The following PTPRD variants were observed in gnomAD, a reference collection of about 807,000 sequenced individuals.
PTPRD encodes protein tyrosine phosphatase receptor type D, also known as receptor-type tyrosine-protein phosphatase delta.
A neutral mutation model predicts 214.5 loss-of-function variants in PTPRD; 34 were observed. That is an observed-to-expected ratio of 0.16 (90% CI 0.12 to 0.21). The LOEUF (loss-of-function observed/expected upper bound fraction) is 0.21, where lower values mean the gene tolerates loss of function less well. PTPRD is among the 10% of genes least tolerant of loss of function. The pLI is 1.00. For synonymous variants in PTPRD, 1,128 were observed against 845.7 expected (o/e 1.33, Z -5.79); for missense variants, 2,545 against 2,398.7 (o/e 1.06, Z -1.27).
At chr9:9,201,574 A>G (rs1434033423) in intron 9 of PTPRD, among the ~76,000 whole-genome samples, 4 of 152,152 alleles carry the variant, frequency 2.6e-5, no homozygotes, top group Non-Finnish European at 5.9e-5. Flanking sequence ...AAAAACATTG[A>G]TTTCCTATTA....
intron 9 of PTPRD, among the ~76,000 whole-genome samples, chr9:9,304,365 A>G (rs910142351): frequency 4.6e-5 from 7 of 152,156 alleles, no homozygotes; most frequent in Non-Finnish European, 1.0e-4. Flanking sequence ...AAAGACTTAA[A>G]GGAGGTGAAG....
At chr9:10,054,048 C>G (rs1022479418) in intron 3 of PTPRD, among the ~76,000 whole-genome samples, 1 of 152,052 alleles carries the variant, frequency 6.6e-6, no homozygotes, top group Non-Finnish European at 1.5e-5. Context: ...CATGAGCCAC[C>G]ACACCCTGCG....
chr9:10,024,851 A>T (rs942625823), intron 4 of PTPRD, among the ~76,000 whole-genome samples: 4 of 139,068 alleles, frequency 2.9e-5, no homozygotes, highest in Middle Eastern at 3.8e-3. Context: ...TCATTGTTCA[A>T]TTCCCACCTA....
chr9:8,797,321 T>C lies in PTPRD; in HGVS notation c.-103-63375A>G, dbSNP rs2096458897. The C allele has an allele frequency of 3.3e-5, 5 of 152,178 alleles. 1 individual carries two copies. The highest frequency in any genetic ancestry group is 2.6e-4 in the Admixed American group (4 of 15,272). 9.4% of individuals were successfully genotyped at this position (152,178 alleles called of 1,614,324 possible). A position where few individuals can be genotyped will look rare whatever the true frequency, so the allele number is the denominator to read the frequency against. ...ACGATAACCATAATGTACAATAATA[T>C]GAAAAGCTCATTTAAAGGAAAAGTC... is the stretch of plus-strand genomic sequence containing the variant. On this transcript the variant is annotated intron_variant, in intron 11 of 45. Transcript: ENST00000381196.
At chr9:10,221,133 A>G (rs1246795711) in intron 3 of PTPRD, among the ~76,000 whole-genome samples, 1 of 151,636 alleles carries the variant, frequency 6.6e-6, no homozygotes, top group African/African-American at 2.4e-5. Context: ...TTGGTGAAAT[A>G]TTTCCCTATC....
chr9:10,065,187 G>GAAAGA (rs1555538121), intron 3 of PTPRD, among the ~76,000 whole-genome samples: 8 of 151,658 alleles, frequency 5.3e-5, no homozygotes, highest in African/African-American at 1.9e-4. Flanking sequence ...AAGAAAGAAA[G>GAAAGA]AAAGAAAAGG....
At chr9:8,415,955 G>C (rs1312149593) in intron 35 of PTPRD, among the ~76,000 whole-genome samples, 1 of 152,074 alleles carries the variant, frequency 6.6e-6, no homozygotes, top group Non-Finnish European at 1.5e-5. Context: ...AGCCTGTCTT[G>C]GGATCACTTT....
intron 4 of PTPRD, among the ~76,000 whole-genome samples, chr9:9,997,837 C>A (rs779389746): frequency 1.0e-5 from 1 of 96,652 alleles, no homozygotes; most frequent in African/African-American, 3.2e-5. Flanking sequence ...ACCACATATG[C>A]CAGGCATCAT....
intron 3 of PTPRD, among the ~76,000 whole-genome samples, chr9:10,247,976 GAT>G (rs1009153688): frequency 4.6e-5 from 7 of 152,094 alleles, no homozygotes; most frequent in Admixed American, 3.3e-4. Context: ...CTGTTCTCAT[GAT>G]AGTGAATAGG....
chr9:9,297,012 CTG>C (rs1953328905), intron 9 of PTPRD, among the ~76,000 whole-genome samples: 4 of 151,706 alleles, frequency 2.6e-5, no homozygotes, highest in African/African-American at 9.7e-5. Context: ...TTTAAGCAGA[CTG>C]ACTTGGAAAA....
chr9:9,668,052 CAT>C (rs1385339507), intron 7 of PTPRD, among the ~76,000 whole-genome samples: 1 of 152,098 alleles, frequency 6.6e-6, no homozygotes, highest in Non-Finnish European at 1.5e-5. Flanking sequence ...GAGCTAAAAT[CAT>C]AGATTGCCCT....
intron 3 of PTPRD, among the ~76,000 whole-genome samples, chr9:10,074,571 C>T (rs554299762): frequency 1.3e-5 from 2 of 152,070 alleles, no homozygotes; most frequent in African/African-American, 4.8e-5. Context: ...TGCACAGACA[C>T]ATTCTATTTT....
chr9:8,385,710 T>A (rs1236292003), intron 37 of PTPRD, among the ~76,000 whole-genome samples: 1 of 152,168 alleles, frequency 6.6e-6, no homozygotes, highest in African/African-American at 2.4e-5. Flanking sequence ...CTATATCACT[T>A]ATGATTTTCA....
intron 21 of PTPRD, among the ~76,000 whole-genome samples, chr9:8,515,118 G>A (rs529274699): frequency 2.6e-5 from 4 of 152,238 alleles, no homozygotes; most frequent in East Asian, 1.9e-4. Context: ...TGTGAAAATG[G>A]ACTAACACAG....
At chr9:8,461,132 T>C (rs1486279378) in intron 32 of PTPRD, among the ~76,000 whole-genome samples, 1 of 152,058 alleles carries the variant, frequency 6.6e-6, no homozygotes. Context: ...TGCATATTAG[T>C]TAGGAAATGG....
chr9:8,324,560 T>TATGTG (rs1831710909), intron 44 of PTPRD, among the ~76,000 whole-genome samples: 1 of 152,208 alleles, frequency 6.6e-6, no homozygotes, highest in Admixed American at 6.5e-5. Flanking sequence ...ACAATAAACA[T>TATGTG]ATGTGTGCAT....
At chr9:10,410,253 G>GTAGATA (rs2098419762) in intron 2 of PTPRD, among the ~76,000 whole-genome samples, 1 of 127,116 alleles carries the variant, frequency 7.9e-6, no homozygotes, top group Admixed American at 8.5e-5. Flanking sequence ...CATATTTTGT[G>GTAGATA]TATATATATA....
chr9:8,713,577 C>T lies in PTPRD; in HGVS notation c.64+20203G>A. 3.3e-6 allele frequency: 5 copies of T among 1,505,416 alleles called. No individual in the cohort carries two copies. The South Asian group carries it at 3.4e-5, about 10-fold the overall frequency. 93.3% of individuals were successfully genotyped at this position (1,505,416 alleles called of 1,614,324 possible). On this transcript the variant is annotated intron_variant, in intron 12 of 45. Transcript: ENST00000381196. ...GGCTGCGCTGTGACTCCCGGAGCGG[C>T]ACCCACAACATGTACCGGGAATACC...
chr9:9,558,605 C>T (rs930102789), intron 8 of PTPRD, among the ~76,000 whole-genome samples: 1 of 152,202 alleles, frequency 6.6e-6, no homozygotes, highest in East Asian at 1.9e-4. Flanking sequence ...CTGTTACATA[C>T]ATAAGCGTTG....
Sources: allele counts gnomAD v4.1 joint callset (sites outside exome capture counted in the v4.1 genomes callset), GRCh38; gene constraint gnomAD v4.1.1; transcripts MANE v1.5; gene names NCBI Gene and HGNC (gene_info 2026-07-23, HGNC 2026-07-21).